GPR137C: variants seen among roughly 807,000 people sequenced by gnomAD.
GPR137C encodes the protein G protein-coupled receptor 137C.
In GPR137C, 27 loss-of-function variants were observed where a neutral mutation model predicts 43.4. The observed-to-expected ratio is 0.62, with a 90% CI of 0.46 to 0.86. The LOEUF (loss-of-function observed/expected upper bound fraction) is 0.86, where lower values mean the gene tolerates loss of function less well. Ranked by LOEUF, GPR137C falls within the 40% of genes least tolerant of loss-of-function variation. The probability of loss-of-function intolerance (pLI) is 0.00; values close to 1 mark genes in which losing one functional copy is unlikely to be tolerated. For synonymous variants in GPR137C, 285 were observed against 226.9 expected (o/e 1.26, Z -2.30); for missense variants, 522 against 534.6 (o/e 0.98, Z 0.23).
intron 4 of GPR137C, 83 bp downstream of exon 4, chr14:52,632,392 T>G: frequency 1.1e-6 from 1 of 939,932 alleles, no homozygotes; most frequent in Non-Finnish European, 1.6e-6. Context: ...GTGTTTGACT[T>G]ACAAACACAT....
At position 52,574,754 on chromosome 14, in the gene GPR137C, T is replaced by C. The variant is rs573404470; in HGVS notation, c.444+21163T>C. Among the ~76,000 whole-genome samples, 11 of 152,260 alleles carry C rather than the reference T, an allele frequency of 7.2e-5. No individual in the cohort carries two copies. In the East Asian group the frequency reaches 2.1e-3, roughly 29 times the overall value. On this transcript the variant is annotated intron_variant, in intron 1 of 6. Coordinates refer to ENST00000321662, the MANE Select transcript of GPR137C (RefSeq NM_001099652.2). Reference sequence around the variant, plus strand: ...ATTAAAGCAAGCGACATTTCTTCTTTCTTCCGTGGGATATTCTGTTGCTCC... The same window carrying C: ...ATTAAAGCAAGCGACATTTCTTCTTCCTTCCGTGGGATATTCTGTTGCTCC...
Position 52,553,068 on chromosome 14 carries a change from C to A in GPR137C, c.-80C>A. 1.1e-5 allele frequency: 8 copies of A among 707,158 alleles called. No individual in the cohort carries two copies. The highest frequency in any genetic ancestry group is 1.5e-5 in the Non-Finnish European group (8 of 547,548). 43.8% of individuals were successfully genotyped at this position (707,158 alleles called of 1,614,324 possible). A position where few individuals can be genotyped will look rare whatever the true frequency, so the allele number is the denominator to read the frequency against. ...CTGGGGTGGGTGGGGGGTAAGGGGG[C>A]AGTCCTTCTCCCCTTCGACGGCGGC... On this transcript the variant is annotated 5_prime_UTR_variant, in exon 1 of 7. Coordinates refer to ENST00000321662, the MANE Select transcript of GPR137C (RefSeq NM_001099652.2).
intron 3 of GPR137C, among the ~76,000 whole-genome samples, chr14:52,604,503 T>G (rs1411533777): frequency 6.6e-6 from 1 of 151,644 alleles, no homozygotes; most frequent in Non-Finnish European, 1.5e-5. Flanking sequence ...TCTAGTGCAG[T>G]GTTGTGATCC....
intron 1 of GPR137C, among the ~76,000 whole-genome samples, chr14:52,579,309 GAATA>G (rs1796636506): frequency 6.6e-6 from 1 of 152,138 alleles, no homozygotes; most frequent in Admixed American, 6.5e-5. Context: ...CCTCTCCAGA[GAATA>G]AATACCCAGA....
At position 52,632,821 on chromosome 14, in the gene GPR137C, A is replaced by G. The variant is rs181995484; in HGVS notation, c.867+512A>G. 1.2e-3 allele frequency among the ~76,000 whole-genome samples: 179 copies of G among 152,228 alleles called. 3 individuals carry two copies. The East Asian group carries it at 0.025, about 21-fold the overall frequency. ...TTCCTTGGGTGTCCAGGTATTTGCT[A>G]TCGTAATTCCCAGTACTCTAACTAC... On this transcript the variant is annotated intron_variant, in intron 4 of 6. Transcript: ENST00000321662.
intron 3 of GPR137C, among the ~76,000 whole-genome samples, chr14:52,600,695 A>G (rs1371573510): frequency 1.3e-5 from 2 of 152,234 alleles, no homozygotes; most frequent in Non-Finnish European, 2.9e-5. Flanking sequence ...GGTCCTTACT[A>G]AACAATGGTT....
chr14:52,588,566 C>A (rs2139500928), intron 1 of GPR137C, among the ~76,000 whole-genome samples: 1 of 152,268 alleles, frequency 6.6e-6, no homozygotes, highest in South Asian at 2.1e-4. Flanking sequence ...AATGCATATC[C>A]AAAATCTAAT....
chr14:52,587,338 A>G, intron 1 of GPR137C, among the ~76,000 whole-genome samples: 1 of 152,360 alleles, frequency 6.6e-6, no homozygotes, highest in African/African-American at 2.4e-5. Flanking sequence ...CAATATAAAG[A>G]ATGACATTCT....
intron 3 of GPR137C, among the ~76,000 whole-genome samples, chr14:52,625,050 T>A (rs1012597756): frequency 1.3e-5 from 2 of 152,198 alleles, no homozygotes; most frequent in Non-Finnish European, 2.9e-5. Flanking sequence ...GATTTTGTAA[T>A]CTAAGTAGAC....
At chr14:52,575,928 G>A (rs558728106) in intron 1 of GPR137C, among the ~76,000 whole-genome samples, 1 of 152,320 alleles carries the variant, frequency 6.6e-6, no homozygotes, top group African/African-American at 2.4e-5. Flanking sequence ...GAGTCTTACA[G>A]ATAGAGCTTA....
chr14:52,618,809 A>C (rs896692590), intron 3 of GPR137C, among the ~76,000 whole-genome samples: 1 of 152,200 alleles, frequency 6.6e-6, no homozygotes, highest in African/African-American at 2.4e-5. Flanking sequence ...AAAAAGGTTC[A>C]AACCAGCTAG....
At chr14:52,604,470 C>G (rs1218982137) in intron 3 of GPR137C, among the ~76,000 whole-genome samples, 1 of 150,156 alleles carries the variant, frequency 6.7e-6, no homozygotes, top group African/African-American at 2.5e-5. Context: ...GAGACAGAGT[C>G]TAGCTCTGTC....
At chr14:52,631,472 G>A (rs1029280946) in intron 3 of GPR137C, among the ~76,000 whole-genome samples, 5 of 152,082 alleles carry the variant, frequency 3.3e-5, no homozygotes, top group Non-Finnish European at 7.4e-5. Flanking sequence ...CAAAGAAAAT[G>A]GATTGTATGG....
chr14:52,632,237 G>C lies in GPR137C; in HGVS notation c.795G>C (p.Leu265Phe). Residue 265 changes from leucine (L) to phenylalanine (F), a missense_variant, in exon 4 of 7, where the codon TTG becomes TTC. Coordinates refer to ENST00000321662, the MANE Select transcript of GPR137C (RefSeq NM_001099652.2). ...ACTCTTCCAGAGCTTGTTATAATTT[G>C]GTGGTGGTCACCATATCTCAGGATA... ...LLYSSRACYN[L>F]VVVTISQDTL... is the part of the protein sequence containing the mutation. The C allele has an allele frequency of 3.1e-6, 5 of 1,608,588 alleles. No individual in the cohort carries two copies. The highest frequency in any genetic ancestry group is 4.3e-6 in the Non-Finnish European group (5 of 1,175,150).
intron 3 of GPR137C, among the ~76,000 whole-genome samples, chr14:52,610,678 G>A (rs185936405): frequency 1.3e-5 from 2 of 152,288 alleles, no homozygotes; most frequent in Admixed American, 6.5e-5. Flanking sequence ...AGGAGGGGAC[G>A]ACTGTAGTAG....
At chr14:52,559,549 A>C (rs1463000673) in intron 1 of GPR137C, among the ~76,000 whole-genome samples, 1 of 152,012 alleles carries the variant, frequency 6.6e-6, no homozygotes, top group South Asian at 2.1e-4. Context: ...GAAAAGGGGG[A>C]ATTTTTTCAG....
At chr14:52,598,351 G>A (rs1194163939) in intron 2 of GPR137C, 36 bp downstream of exon 2, 1 of 920,830 alleles carries the variant, frequency 1.1e-6, no homozygotes, top group Admixed American at 2.7e-5. Context: ...CTATCTAAAA[G>A]ATCTAAAGCA....
At chr14:52,593,899 T>C (rs940696343) in intron 1 of GPR137C, among the ~76,000 whole-genome samples, 2 of 152,214 alleles carry the variant, frequency 1.3e-5, no homozygotes, top group African/African-American at 2.4e-5. Context: ...CTCTTGCTTC[T>C]CTAGTTCTTT....
intron 1 of GPR137C, among the ~76,000 whole-genome samples, chr14:52,591,379 A>T (rs951649545): frequency 2.6e-5 from 4 of 152,182 alleles, no homozygotes; most frequent in African/African-American, 9.7e-5. Flanking sequence ...TAGTATTTCT[A>T]GTTCCAGATC....
Sources: allele counts gnomAD v4.1 joint callset (sites outside exome capture counted in the v4.1 genomes callset), GRCh38; gene constraint gnomAD v4.1.1; transcripts MANE v1.5; gene names NCBI Gene and HGNC (gene_info 2026-07-23, HGNC 2026-07-21).